Variants in SRRM3 observed in about 807,000 individuals in gnomAD.
The protein encoded by SRRM3 is serine/arginine repetitive matrix protein 3.
SRRM3 carries 27 observed loss-of-function variants against 66.2 expected under a neutral mutation model. The observed-to-expected ratio is 0.41, with a 90% CI of 0.30 to 0.56. The LOEUF is 0.56. Ranked by LOEUF, SRRM3 falls within the 20% of genes least tolerant of loss-of-function variation. The pLI is 0.32. For missense variants in SRRM3, 918 were observed against 991.9 expected, an observed-to-expected ratio of 0.93 and a Z score of 1.00; for synonymous variants, 391 against 414.9, an observed-to-expected ratio of 0.94 and a Z score of 0.70.
intron 3 of SRRM3, among the ~76,000 whole-genome samples, chr7:76,252,549 T>A (rs145493761): frequency 0.013 from 1,915 of 151,908 alleles, 17 homozygotes; most frequent in Non-Finnish European, 0.019. Flanking sequence ...CTCGAACTCC[T>A]GACCTCAAGT....
chr7:76,259,484 G>C (rs1348651858), intron 3 of SRRM3, among the ~76,000 whole-genome samples: 2 of 151,874 alleles, frequency 1.3e-5, no homozygotes, highest in African/African-American at 4.8e-5. Context: ...GGCTGAGGAG[G>C]AAGGATCGCT....
intron 5 of SRRM3, 71 bp downstream of exon 5, chr7:76,260,268 G>A (rs1801823048): frequency 8.2e-7 from 1 of 1,212,592 alleles, no homozygotes; most frequent in African/African-American, 1.6e-5. Context: ...CCCGTCCCTG[G>A]CTCACAACCA....
At chr7:76,223,889 T>TCCCTC (rs1189122603) in intron 1 of SRRM3, among the ~76,000 whole-genome samples, 3 of 44,268 alleles carry the variant, frequency 6.8e-5, no homozygotes, top group African/African-American at 1.2e-4. Flanking sequence ...TCCCTTCCCT[T>TCCCTC]CCCTCCCCAC....
At chr7:76,264,185 G>C (rs1341301072) in intron 8 of SRRM3, among the ~76,000 whole-genome samples, 1 of 127,750 alleles carries the variant, frequency 7.8e-6, no homozygotes, top group Non-Finnish European at 1.6e-5. Flanking sequence ...TTTTTTTCCT[G>C]AGACGGAGTT....
chr7:76,228,809 C>A (rs187315969), intron 1 of SRRM3, among the ~76,000 whole-genome samples: 1 of 152,136 alleles, frequency 6.6e-6, no homozygotes, highest in African/African-American at 2.4e-5. Context: ...ATGGCTATTT[C>A]TAGACCACTG....
chr7:76,219,009 C>A (rs1800645796), intron 1 of SRRM3, among the ~76,000 whole-genome samples: 1 of 152,176 alleles, frequency 6.6e-6, no homozygotes. Context: ...CACCAGCCAC[C>A]ATGCCTGGCT....
rs1554608427 is a variant in SRRM3, at chr7:76,260,207, G to T, written c.545+10G>T. Reference sequence around the variant, plus strand: ...GCCACCGGAGAAGCCGGTGAGAACCGCGCCTGACCGGAGCGGGAAGGGAGG... The same window carrying T: ...GCCACCGGAGAAGCCGGTGAGAACCTCGCCTGACCGGAGCGGGAAGGGAGG... On this transcript the variant is annotated intron_variant, in intron 5 of 14. Transcript: ENST00000611745. 6.5e-7 allele frequency: 1 copy of T among 1,527,134 alleles called. No individual in the cohort carries two copies. The highest frequency in any genetic ancestry group is 2.2e-5 in the Admixed American group (1 of 46,084). The allele number at this position is 1,527,134 out of a possible 1,614,324, so 94.6% of individuals were successfully genotyped here. A position where few individuals can be genotyped will look rare whatever the true frequency, so the allele number is the denominator to read the frequency against.
intron 3 of SRRM3, among the ~76,000 whole-genome samples, chr7:76,254,887 G>A (rs1801667540): frequency 6.6e-6 from 1 of 152,060 alleles, no homozygotes. Context: ...AGGAAGAGGA[G>A]CATGGAAAAG....
At chr7:76,278,268 C>T (rs1802408518) in intron 11 of SRRM3, among the ~76,000 whole-genome samples, 1 of 152,012 alleles carries the variant, frequency 6.6e-6, no homozygotes, top group African/African-American at 2.4e-5. Context: ...AGGTGGATCA[C>T]CTGAGGTCAG....
chr7:76,217,586 G>A (rs782465019), intron 1 of SRRM3, among the ~76,000 whole-genome samples: 4 of 152,120 alleles, frequency 2.6e-5, no homozygotes, highest in South Asian at 2.1e-4. Flanking sequence ...ACACCTGGGC[G>A]CAAATGCAGG....
In SRRM3 at chr7:76,265,862, T is replaced by TATATA. The variant is rs1563634718; in HGVS notation, c.830+394_830+395insATATA. On this transcript the variant is annotated intron_variant, in intron 10 of 14. Coordinates refer to ENST00000611745, the MANE Select transcript of SRRM3 (RefSeq NM_001110199.3). Reference sequence around the variant, plus strand: ...TATATATATATATATATATATATTTTTTTTTTTTTTTTTTTTTTTTTTTTG... The same window carrying TATATA: ...TATATATATATATATATATATATTTTATATATTTTTTTTTTTTTTTTTTTTTTTTG... Among the ~76,000 whole-genome samples, 52 of 19,340 alleles carry TATATA rather than the reference T, an allele frequency of 2.7e-3. 2 individuals are homozygous for TATATA. Among genetic ancestry groups the TATATA allele is most frequent in the African/African-American group, 0.012 (9 of 772 alleles). The allele number at this position is 19,340 out of a possible 152,430, so 12.7% of individuals were successfully genotyped here.
intron 11 of SRRM3, among the ~76,000 whole-genome samples, chr7:76,272,388 C>T (rs922021550): frequency 2.1e-5 from 3 of 145,082 alleles, no homozygotes; most frequent in African/African-American, 7.3e-5. Flanking sequence ...TAGCAAGACC[C>T]CTATCTCTAC....
At chr7:76,239,742 CA>C (rs1801235929) in intron 2 of SRRM3, among the ~76,000 whole-genome samples, 1 of 152,092 alleles carries the variant, frequency 6.6e-6, no homozygotes, top group South Asian at 2.1e-4. Context: ...CAAAACAAAA[CA>C]AAAGGTCACT....
Position 76,286,069 on chromosome 7 carries a change from T to C in SRRM3, c.*226T>C, listed in dbSNP as rs1802665456. The C allele has an allele frequency of 3.4e-6, 2 of 588,344 alleles. No individual in the cohort carries two copies. The highest frequency in any genetic ancestry group is 3.1e-6 in the Non-Finnish European group (1 of 323,316). The allele number at this position is 588,344 out of a possible 1,614,324, so 36.4% of individuals were successfully genotyped here. On this transcript the variant is annotated 3_prime_UTR_variant, in exon 15 of 15. Transcript: ENST00000611745. Reference sequence around the variant, plus strand: ...TCTACGGGTGTCCTCTCCCACCTCCTGTCCACCCACTGTGCCCGGGGAACA... The same window carrying C: ...TCTACGGGTGTCCTCTCCCACCTCCCGTCCACCCACTGTGCCCGGGGAACA...
intron 2 of SRRM3, among the ~76,000 whole-genome samples, chr7:76,240,619 C>CAAAA (rs200938394): frequency 1.1e-5 from 1 of 91,798 alleles, no homozygotes; most frequent in Admixed American, 1.2e-4. Flanking sequence ...GACTCCATCT[C>CAAAA]AAAAAAAAAA....
In SRRM3 at chr7:76,267,319, C is replaced by G. The variant is rs1554609884; in HGVS notation, c.892C>G (p.Arg298Gly). ...GGGCAGCCAGCGGTCCAGCGGAAGC[C>G]GGTCGCCTTCCCCGTCGGGCGGCAG... is the stretch of plus-strand genomic sequence containing the variant. Reference protein sequence around the residue: ...KTGSQRSSGSRSPSPSGGSGW... With the variant: ...KTGSQRSSGSGSPSPSGGSGW... Residue 298 changes from arginine (R) to glycine (G), a missense_variant, in exon 11 of 15, where the codon CGG becomes GGG. Coordinates refer to ENST00000611745, the MANE Select transcript of SRRM3 (RefSeq NM_001110199.3). 1.9e-6 allele frequency: 3 copies of G among 1,545,936 alleles called. No individual in the cohort carries two copies. The highest frequency in any genetic ancestry group is 2.6e-6 in the Non-Finnish European group (3 of 1,152,410).
chr7:76,204,240 C>T (rs1285228102), intron 1 of SRRM3, among the ~76,000 whole-genome samples: 1 of 152,104 alleles, frequency 6.6e-6, no homozygotes, highest in African/African-American at 2.4e-5. Flanking sequence ...TTTTATTGTC[C>T]CCCAGGGACA....
intron 1 of SRRM3, among the ~76,000 whole-genome samples, chr7:76,206,699 T>C (rs1210031791): frequency 6.6e-6 from 1 of 152,144 alleles, no homozygotes; most frequent in East Asian, 1.9e-4. Flanking sequence ...CCTGGGGCCA[T>C]GTGTACATTG....
chr7:76,260,184 C>G lies in SRRM3; in HGVS notation c.532C>G (p.His178Asp). ...GAAAAAGAAGAAAAAGAAAGGCGGCCACCGGAGAAGCCGGTGAGAACCGCG... is the reference window on the plus strand; with the variant it reads ...GAAAAAGAAGAAAAAGAAAGGCGGCGACCGGAGAAGCCGGTGAGAACCGCG... Reference protein sequence around the residue: ...PKKKKKKKGGHRRSRKKRRLE... With the variant: ...PKKKKKKKGGDRRSRKKRRLE... The change falls in exon 5 of 15, where the codon CAC (histidine) becomes GAC (aspartate). Residue 178 changes from histidine (H) to aspartate (D), a missense_variant. His to Asp is a moderately conservative substitution (Grantham distance 81). Coordinates refer to ENST00000611745, the MANE Select transcript of SRRM3 (RefSeq NM_001110199.3). 6.5e-7 allele frequency: 1 copy of G among 1,540,746 alleles called. No individual in the cohort carries two copies. Among genetic ancestry groups the G allele is most frequent in the South Asian group, 1.2e-5 (1 of 83,300 alleles).
Sources: allele counts gnomAD v4.1 joint callset (sites outside exome capture counted in the v4.1 genomes callset), GRCh38; gene constraint gnomAD v4.1.1; transcripts MANE v1.5; gene names NCBI Gene and HGNC (gene_info 2026-07-23, HGNC 2026-07-21).